MACROD2: variants seen among roughly 807,000 people sequenced by gnomAD.
The protein encoded by MACROD2 is mono-ADP ribosylhydrolase 2.
A neutral mutation model predicts 70.4 loss-of-function variants in MACROD2; 36 were observed. The ratio of observed to expected loss-of-function variants is 0.51; its 90% CI spans 0.39 to 0.68. The LOEUF (loss-of-function observed/expected upper bound fraction) is 0.68, where lower values mean the gene tolerates loss of function less well. Ranked by LOEUF, MACROD2 falls within the 30% of genes least tolerant of loss-of-function variation. The pLI is 0.00. For synonymous variants in MACROD2, 172 were observed against 178.8 expected (o/e 0.96, Z 0.30); for missense variants, 496 against 538.4 (o/e 0.92, Z 0.78).
intron 3 of MACROD2, among the ~76,000 whole-genome samples, chr20:14,433,800 A>T (rs532175777): frequency 6.7e-6 from 1 of 150,068 alleles, no homozygotes; most frequent in Non-Finnish European, 1.5e-5. Context: ...ACAGAGAAAC[A>T]TTTTTTTTTT....
intron 17 of MACROD2, among the ~76,000 whole-genome samples, chr20:16,047,019 G>C (rs1293813958): frequency 6.6e-6 from 1 of 152,154 alleles, no homozygotes; most frequent in Non-Finnish European, 1.5e-5. Flanking sequence ...CCAGGAAGGA[G>C]AAGTGACATG....
At chr20:14,513,265 A>G (rs985123176) in intron 4 of MACROD2, among the ~76,000 whole-genome samples, 5 of 152,048 alleles carry the variant, frequency 3.3e-5, no homozygotes, top group Admixed American at 2.0e-4. Flanking sequence ...ACTGTATGAA[A>G]CCATAAATTC....
intron 2 of MACROD2, among the ~76,000 whole-genome samples, chr20:14,082,358 T>A (rs1405702980): frequency 6.8e-6 from 1 of 147,680 alleles, no homozygotes; most frequent in Non-Finnish European, 1.5e-5. Flanking sequence ...TTTTGTATTT[T>A]TTTTTTTTTT....
chr20:14,454,893 C>A (rs1832779415), intron 3 of MACROD2, among the ~76,000 whole-genome samples: 2 of 151,900 alleles, frequency 1.3e-5, no homozygotes, highest in Non-Finnish European at 2.9e-5. Context: ...GCTGGGACTA[C>A]AGGTGCCCAC....
At chr20:15,903,549 C>T (rs569904479) in intron 10 of MACROD2, among the ~76,000 whole-genome samples, 86 of 152,224 alleles carry the variant, frequency 5.6e-4, no homozygotes, top group African/African-American at 2.0e-3. Flanking sequence ...ATTTCAGGGT[C>T]TCACCCCCAA....
intron 8 of MACROD2, among the ~76,000 whole-genome samples, chr20:15,802,732 G>A (rs73246158): frequency 0.069 from 10,427 of 151,916 alleles, 927 homozygotes; most frequent in African/African-American, 0.19. Context: ...GTGAAAAGTC[G>A]TTTTTTTGAA....
At chr20:14,697,485 A>C (rs987245716) in intron 5 of MACROD2, among the ~76,000 whole-genome samples, 11 of 152,210 alleles carry the variant, frequency 7.2e-5, no homozygotes, top group Non-Finnish European at 1.5e-4. Flanking sequence ...TGTGTTGTGC[A>C]ATGGCAGGAT....
chr20:14,620,517 A>T (rs1270964304), intron 4 of MACROD2, among the ~76,000 whole-genome samples: 1 of 152,136 alleles, frequency 6.6e-6, no homozygotes, highest in African/African-American at 2.4e-5. Context: ...ATCTAGATAT[A>T]TATCTCCTCA....
intron 8 of MACROD2, among the ~76,000 whole-genome samples, chr20:15,775,280 C>T (rs1399039258): frequency 1.3e-5 from 2 of 152,110 alleles, no homozygotes; most frequent in African/African-American, 2.4e-5. Flanking sequence ...GTTTTCCATG[C>T]TCTAACATCA....
At position 14,243,630 on chromosome 20, in the gene MACROD2, A is replaced by C. The variant is rs140226334; in HGVS notation, c.271+157902A>C. On this transcript the variant is annotated intron_variant, in intron 3 of 17. Coordinates refer to ENST00000684519, the MANE Select transcript of MACROD2 (RefSeq NM_001351661.2). The stretch of plus-strand genomic sequence containing the variant: ...ATTTCTGACATTGGGTAAATTATAG[A>C]TATAGTAGACAAACTGTTAACTCAG... Among the ~76,000 whole-genome samples the C allele has an allele frequency of 1.8e-3, 273 of 152,296 alleles. 2 individuals are homozygous for C. Among genetic ancestry groups the C allele is most frequent in the Middle Eastern group, 3.4e-3 (1 of 294 alleles).
At chr20:14,177,920 T>C (rs984682386) in intron 3 of MACROD2, among the ~76,000 whole-genome samples, 1 of 152,142 alleles carries the variant, frequency 6.6e-6, no homozygotes, top group Non-Finnish European at 1.5e-5. Flanking sequence ...TAAAAGTGCA[T>C]TTTTCTTTAA....
chr20:15,205,193 C>A (rs1490386421), intron 5 of MACROD2, among the ~76,000 whole-genome samples: 1 of 152,110 alleles, frequency 6.6e-6, no homozygotes, highest in African/African-American at 2.4e-5. Flanking sequence ...TGGTATGTGG[C>A]AAAGCTGGAA....
intron 5 of MACROD2, among the ~76,000 whole-genome samples, chr20:15,226,107 T>C (rs2076903731): frequency 6.7e-6 from 1 of 149,474 alleles, no homozygotes; most frequent in South Asian, 2.1e-4. Flanking sequence ...CAGAAGGAGA[T>C]GCACTTGAGA....
At chr20:15,342,849 C>T (rs534629720) in intron 6 of MACROD2, among the ~76,000 whole-genome samples, 12 of 152,226 alleles carry the variant, frequency 7.9e-5, no homozygotes, top group African/African-American at 2.9e-4. Context: ...ACACACCCAC[C>T]TTGAATCTGT....
intron 4 of MACROD2, among the ~76,000 whole-genome samples, chr20:14,593,082 G>A (rs544881538): frequency 3.0e-4 from 45 of 152,260 alleles, no homozygotes; most frequent in African/African-American, 1.1e-3. Context: ...ACATCTTGAT[G>A]TTATACGAAA....
At position 14,104,149 on chromosome 20, in the gene MACROD2, T is replaced by C. The variant is rs573939861; in HGVS notation, c.271+18421T>C. The stretch of plus-strand genomic sequence containing the variant: ...CCCTAAACTTTACCATTATTAGGTT[T>C]GATGAATTTTTTTATGCTTTGTCTT... On this transcript the variant is annotated intron_variant, in intron 3 of 17. Coordinates refer to ENST00000684519, the MANE Select transcript of MACROD2 (RefSeq NM_001351661.2). 2.5e-4 allele frequency among the ~76,000 whole-genome samples: 38 copies of C among 152,324 alleles called. 1 individual carries two copies. The South Asian group carries it at 7.9e-3, about 32-fold the overall frequency.
intron 13 of MACROD2, 68 bp downstream of exon 13, chr20:15,967,698 AAAAC>A: frequency 7.3e-7 from 1 of 1,361,958 alleles, no homozygotes; most frequent in South Asian, 1.3e-5. Context: ...AAAAAAAAAA[AAAAC>A]CCACAGACTT....
intron 8 of MACROD2, among the ~76,000 whole-genome samples, chr20:15,765,025 C>T (rs1004031620): frequency 6.6e-6 from 1 of 152,064 alleles, no homozygotes; most frequent in African/African-American, 2.4e-5. Context: ...CACACAACCC[C>T]CGGTCTTTGC....
At chr20:14,917,746 G>T (rs1464926508) in intron 5 of MACROD2, among the ~76,000 whole-genome samples, 1 of 152,106 alleles carries the variant, frequency 6.6e-6, no homozygotes, top group Non-Finnish European at 1.5e-5. Context: ...CTGGTCAATT[G>T]CATCTAAAGC....
Sources: allele counts gnomAD v4.1 joint callset (sites outside exome capture counted in the v4.1 genomes callset), GRCh38; gene constraint gnomAD v4.1.1; transcripts MANE v1.5; gene names NCBI Gene and HGNC (gene_info 2026-07-23, HGNC 2026-07-21).